Variants in MYL3 observed in about 807,000 individuals in gnomAD.
MYL3 encodes the protein CMLC1.
MYL3 carries 11 observed loss-of-function variants against 21.3 expected under a neutral mutation model. That is an observed-to-expected ratio of 0.52 (90% CI 0.32 to 0.85). The LOEUF is 0.85. Among genes scored for constraint, MYL3 ranks in the 40% least tolerant of loss-of-function variants. The probability of loss-of-function intolerance (pLI) is 0.03; values close to 1 mark genes in which losing one functional copy is unlikely to be tolerated. For missense variants in MYL3, 206 were observed against 253.3 expected, an observed-to-expected ratio of 0.81 and a Z score of 1.27; for synonymous variants, 88 against 91.6, an observed-to-expected ratio of 0.96 and a Z score of 0.22.
At chr3:46,863,050 C>T (rs1308869124) in intron 1 of MYL3, among the ~76,000 whole-genome samples, 1 of 152,230 alleles carries the variant, frequency 6.6e-6, no homozygotes, top group African/African-American at 2.4e-5. Flanking sequence ...TCAGCAGCAC[C>T]AGAGGAGTCC....
chr3:46,869,715 T>G (rs1702088783), intron 1 of MYL3, among the ~76,000 whole-genome samples: 1 of 152,208 alleles, frequency 6.6e-6, no homozygotes, highest in African/African-American at 2.4e-5. Context: ...TGGCTCTGTG[T>G]GCATGTCTGT....
chr3:46,870,396 G>T (rs562644399), intron 1 of MYL3, among the ~76,000 whole-genome samples: 2 of 151,934 alleles, frequency 1.3e-5, no homozygotes, highest in African/African-American at 2.4e-5. Context: ...TGACAAGAAG[G>T]CCACAGTGGT....
chr3:46,867,731 G>A (rs555286749), upstream of MYL3, among the ~76,000 whole-genome samples: 14 of 152,360 alleles, frequency 9.2e-5, no homozygotes, highest in Admixed American at 2.0e-4. Context: ...CGGAGGAGTC[G>A]AGAACACGGC....
chr3:46,858,718 A>C (rs562319206), intron 4 of MYL3, among the ~76,000 whole-genome samples: 2 of 152,254 alleles, frequency 1.3e-5, no homozygotes, highest in African/African-American at 4.8e-5. Context: ...GGACGAAGCC[A>C]GGGCTCCCTA....
At chr3:46,872,652 A>G (rs1285804227) in intron 1 of MYL3, among the ~76,000 whole-genome samples, 1 of 152,204 alleles carries the variant, frequency 6.6e-6, no homozygotes, top group African/African-American at 2.4e-5. Flanking sequence ...CCATGGTCTC[A>G]CAGCAGCAGC....
chr3:46,871,082 A>C (rs1198586838), intron 1 of MYL3, among the ~76,000 whole-genome samples: 1 of 152,120 alleles, frequency 6.6e-6, no homozygotes. Context: ...TTGCATACAC[A>C]TCCATGCACT....
At position 46,858,459 on chromosome 3, in the gene MYL3, C is replaced by T. The variant is rs371642547; in HGVS notation, c.484G>A (p.Glu162Lys). ...ELRHVLATLG[E>K]RLTEDEVEKL... is the part of the protein sequence containing the mutation. ...TCCACTTCGTCTTCTGTCAGCCTCT[C>T]ACCTGGCAGGAGTGGGAGGCTGAGT... Residue 162 changes from glutamate to lysine, a missense_variant and splice_region_variant, in exon 5 of 7, where the codon GAG becomes AAG. Transcript: ENST00000292327. The T allele has an allele frequency of 1.9e-6, 3 of 1,612,886 alleles. No homozygotes were observed. Among genetic ancestry groups the T allele is most frequent in the Non-Finnish European group, 2.5e-6 (3 of 1,179,984 alleles).
intron 1 of MYL3, among the ~76,000 whole-genome samples, chr3:46,871,405 G>A (rs376691361): frequency 1.3e-3 from 195 of 152,264 alleles, no homozygotes; most frequent in African/African-American, 4.4e-3. Flanking sequence ...TGGGGCTTTC[G>A]AGCTTCAGCA....
rs1701947171 is a variant in MYL3 at position 46,857,991 on chromosome 3, G to C, written c.*124C>G. On this transcript the variant is annotated 3_prime_UTR_variant, in exon 7 of 7. Coordinates refer to ENST00000292327, the MANE Select transcript of MYL3 (RefSeq NM_000258.3). This position sits in a 1 kb window ranked among gnomAD's most constrained non-coding sequence, Gnocchi z 5.0. Reference sequence around the variant, plus strand: ...GGCAACCACGTGGAGAGGTCCAAGGGTTTTTGCAGGAGTCTTGGTAAGGCT... The same window carrying C: ...GGCAACCACGTGGAGAGGTCCAAGGCTTTTTGCAGGAGTCTTGGTAAGGCT... The C allele has an allele frequency of 1.7e-6, 1 of 588,688 alleles. No homozygotes were observed. Among genetic ancestry groups the C allele is most frequent in the South Asian group, 1.9e-5 (1 of 51,466 alleles). The allele number at this position is 588,688 out of a possible 1,614,324, so 36.5% of individuals were successfully genotyped here. A position where few individuals can be genotyped will look rare whatever the true frequency, so the allele number is the denominator to read the frequency against.
chr3:46,860,857 T>C lies in MYL3; in HGVS notation c.158-32A>G. The C allele has an allele frequency of 6.8e-6, 11 of 1,613,856 alleles. No individual in the cohort carries two copies. The highest frequency in any genetic ancestry group is 9.3e-6 in the Non-Finnish European group (11 of 1,179,948). ...GGAGAGGGCAGTGAGCCACAGACAC[T>C]CCCAGGGTCAGCCTACCCCACTCCC... On this transcript the variant is annotated intron_variant, in intron 2 of 6. Coordinates refer to ENST00000292327, the MANE Select transcript of MYL3 (RefSeq NM_000258.3). The surrounding 1 kb of genome is among the most constrained non-coding windows in gnomAD (Gnocchi z 4.6).
At chr3:46,875,300 G>A (rs7610337) in intron 1 of MYL3, among the ~76,000 whole-genome samples, 8,393 of 152,194 alleles carry the variant, frequency 0.055, 490 homozygotes, top group African/African-American at 0.15. Flanking sequence ...TTCCCCTTCC[G>A]GTGAAGACCT....
intron 1 of MYL3, among the ~76,000 whole-genome samples, chr3:46,868,920 G>C (rs1388163625): frequency 6.6e-6 from 1 of 152,234 alleles, no homozygotes; most frequent in Non-Finnish European, 1.5e-5. Context: ...GGCTGCCAAG[G>C]GTTTGTGGGA....
intron 1 of MYL3, among the ~76,000 whole-genome samples, chr3:46,880,497 T>C (rs1251073551): frequency 6.6e-6 from 1 of 152,022 alleles, no homozygotes; most frequent in African/African-American, 2.4e-5. Flanking sequence ...CCCAGCACTT[T>C]GGGAGGCTGA....
At chr3:46,872,629 A>T (rs545623138) in intron 1 of MYL3, among the ~76,000 whole-genome samples, 3 of 152,318 alleles carry the variant, frequency 2.0e-5, no homozygotes, top group East Asian at 3.9e-4. Context: ...AGGACATGCC[A>T]GTCTCCCCAC....
chr3:46,877,536 G>T (rs776984411), intron 1 of MYL3, among the ~76,000 whole-genome samples: 1 of 152,204 alleles, frequency 6.6e-6, no homozygotes, highest in East Asian at 1.9e-4. Context: ...GCAGACCCAT[G>T]GGTGCTGAGG....
intron 1 of MYL3, among the ~76,000 whole-genome samples, chr3:46,872,804 G>A (rs2029984574): frequency 6.6e-6 from 1 of 152,238 alleles, no homozygotes. Flanking sequence ...ATGCCGTCAG[G>A]CAGATTCCAT....
upstream of MYL3, among the ~76,000 whole-genome samples, chr3:46,863,937 A>G (rs1288031312): frequency 1.3e-5 from 2 of 151,258 alleles, no homozygotes; most frequent in African/African-American, 2.4e-5. Flanking sequence ...GGAAGTCAGC[A>G]TGTGTCTGTG....
Position 46,859,699 on chromosome 3 carries a change from C to G in MYL3, c.308-51G>C. The G allele has an allele frequency of 1.2e-6, 2 of 1,600,566 alleles. No homozygotes were observed. The highest frequency in any genetic ancestry group is 1.7e-6 in the Non-Finnish European group (2 of 1,167,954). ...AGGGTCTAAGGCTGGGGTGGGCACACCCCTCCCCCATGCCTGATAATGAGG... is the reference window on the plus strand; with the variant it reads ...AGGGTCTAAGGCTGGGGTGGGCACAGCCCTCCCCCATGCCTGATAATGAGG... On this transcript the variant is annotated intron_variant, in intron 3 of 6. Coordinates refer to ENST00000292327, the MANE Select transcript of MYL3 (RefSeq NM_000258.3). This position sits in a 1 kb window ranked among gnomAD's most constrained non-coding sequence, Gnocchi z 4.1.
chr3:46,858,876 G>A (rs1309124198), intron 4 of MYL3, among the ~76,000 whole-genome samples: 2 of 152,152 alleles, frequency 1.3e-5, no homozygotes, highest in South Asian at 4.1e-4. Context: ...ACTTCTGTGT[G>A]CTGTGCTGGC....
Sources: allele counts gnomAD v4.1 joint callset (sites outside exome capture counted in the v4.1 genomes callset), GRCh38; gene constraint gnomAD v4.1.1; non-coding constraint Gnocchi (gnomAD v3.1); transcripts MANE v1.5; gene names NCBI Gene and HGNC (gene_info 2026-07-23, HGNC 2026-07-21).